The following ATAD3B variants were observed in gnomAD, a reference collection of about 807,000 sequenced individuals.
ATAD3B encodes ATPase family AAA domain-containing protein 3B.
ATAD3B carries 59 observed loss-of-function variants against 70.2 expected under a neutral mutation model. The ratio of observed to expected loss-of-function variants is 0.84; its 90% CI spans 0.68 to 1.04. ATAD3B has a LOEUF of 1.04. Among genes scored for constraint, ATAD3B ranks in the 50% least tolerant of loss-of-function variants. The pLI is 0.00. For missense variants in ATAD3B, 961 were observed against 913.4 expected (o/e 1.05, Z -0.67); for synonymous variants, 423 against 388.6 (o/e 1.09, Z -1.04).
chr1:1,478,420 C>CG (rs1639712455), intron 2 of ATAD3B: 2 of 1,509,964 alleles, frequency 1.3e-6, no homozygotes, highest in South Asian at 2.6e-5. Context: ...CCTCCCTCCC[C>CG]GGGGGCCTTC....
At chr1:1,503,542 C>T in the ATAD3B span, 111 of 1,581,516 alleles carry the variant, frequency 7.0e-5, no homozygotes, top group Non-Finnish European at 8.8e-5. Flanking sequence ...CAGCGGCATC[C>T]GTGTATCCTA....
At chr1:1,485,226 G>A (rs1257351545) in intron 8 of ATAD3B, 55 bp downstream of exon 8, 2 of 1,595,068 alleles carry the variant, frequency 1.3e-6, no homozygotes, top group Admixed American at 3.4e-5. Context: ...AGTCCCTTCT[G>A]CCCCACGAGC....
downstream of ATAD3B, among the ~76,000 whole-genome samples, chr1:1,500,680 G>T (rs187799077): frequency 6.6e-6 from 1 of 151,448 alleles, no homozygotes; most frequent in African/African-American, 2.4e-5. Flanking sequence ...CAGGCAGGGC[G>T]CAGTGGCTCA....
chr1:1,492,214 C>T (rs541985866), intron 15 of ATAD3B, among the ~76,000 whole-genome samples: 34 of 151,768 alleles, frequency 2.2e-4, no homozygotes, highest in African/African-American at 1.2e-4. Flanking sequence ...GGAACAAGCC[C>T]GGTGGCTCAC....
At chr1:1,486,335 T>G (rs1285937785) in intron 10 of ATAD3B, 100 bp downstream of exon 10, 7 of 1,600,914 alleles carry the variant, frequency 4.4e-6, no homozygotes, top group Non-Finnish European at 6.0e-6. Context: ...GGACCCCCCT[T>G]AGGCCTTTGC....
downstream of ATAD3B, among the ~76,000 whole-genome samples, chr1:1,501,834 G>A (rs1020211602): frequency 1.8e-4 from 27 of 152,088 alleles, no homozygotes; most frequent in African/African-American, 6.3e-4. Context: ...GTTGTCAGTG[G>A]CCTCCATGCC....
rs558212147 is a variant in ATAD3B, at chr1:1,477,410, T to C, written c.282+60T>C. 1,790 of 1,607,878 alleles carry C rather than the reference T, an allele frequency of 1.1e-3. 29 individuals are homozygous for C. Among genetic ancestry groups the C allele is most frequent in the Non-Finnish European group, 1.2e-3 (1,419 of 1,177,328 alleles). On this transcript the variant is annotated intron_variant, in intron 2 of 15. Coordinates refer to ENST00000673477, the MANE Select transcript of ATAD3B (RefSeq NM_031921.6). ...CGCACATGGGGTTCAGGCGTGGAGA[T>C]TGGTGGGGCTGCTACTGGTGGGTAG...
chr1:1,487,912 A>C lies in ATAD3B; in HGVS notation c.1264A>C (p.Thr422Pro). 6.2e-7 allele frequency: 1 copy of C among 1,613,104 alleles called. No homozygotes were observed. The highest frequency in any genetic ancestry group is 1.3e-5 in the African/African-American group (1 of 75,030). The stretch of plus-strand genomic sequence containing the variant: ...AGACGCCTTCCTTCGGAAGCGAGCC[A>C]CTGTGAGTGTCACTAAGCCTCTGTC... ...EADAFLRKRA[T>P]EEISKDLRAT... Residue 422 changes from threonine (T) to proline (P), a missense_variant and splice_region_variant, in exon 12 of 16, where the codon ACT becomes CCT. Around this residue, in one of 4 missense-constraint regions of ATAD3B, gnomAD observed 417 missense variants for 335.0 expected, o/e 1.24. Transcript: ENST00000673477.
intron 15 of ATAD3B, among the ~76,000 whole-genome samples, chr1:1,492,008 A>G (rs1451417982): frequency 6.6e-6 from 1 of 151,934 alleles, no homozygotes; most frequent in African/African-American, 2.4e-5. Context: ...AAGCAAGGTG[A>G]GACCCCATCT....
chr1:1,487,943 A>G lies in ATAD3B; in HGVS notation c.1266+29A>G, dbSNP rs755422930. ...AGTGTCACTAAGCCTCTGTCTGGCC[A>G]CAGGAGGGTGGTCGGGTGGGCGCGG... is the stretch of plus-strand genomic sequence containing the variant. On this transcript the variant is annotated intron_variant, in intron 12 of 15. Coordinates refer to ENST00000673477, the MANE Select transcript of ATAD3B (RefSeq NM_031921.6). 105 of 1,612,222 alleles carry G rather than the reference A, an allele frequency of 6.5e-5. 1 individual carries two copies. Among genetic ancestry groups the G allele is most frequent in the Middle Eastern group, 1.6e-4 (1 of 6,082 alleles).
chr1:1,507,136 G>C, the ATAD3B span, among the ~76,000 whole-genome samples: 1 of 152,194 alleles, frequency 6.6e-6, no homozygotes, highest in Non-Finnish European at 1.5e-5. Context: ...TCTGAGAACA[G>C]GTGATTTTAC....
intron 15 of ATAD3B, among the ~76,000 whole-genome samples, chr1:1,493,155 T>C (rs1363900439): frequency 6.6e-6 from 1 of 151,924 alleles, no homozygotes; most frequent in African/African-American, 2.4e-5. Context: ...ACGGTGGCTC[T>C]TACATGTAGC....
At position 1,482,383 on chromosome 1, in the gene ATAD3B, T is replaced by C. The variant is rs1389037331; in HGVS notation, c.680+80T>C. Reference sequence around the variant, plus strand: ...CGCTGGTCCCAGGGCGCTCTCCAGCTCTTCCAGGCCTGGCCGCCATAGGCT... The same window carrying C: ...CGCTGGTCCCAGGGCGCTCTCCAGCCCTTCCAGGCCTGGCCGCCATAGGCT... On this transcript the variant is annotated intron_variant, in intron 6 of 15. Coordinates refer to ENST00000673477, the MANE Select transcript of ATAD3B (RefSeq NM_031921.6). 4 of 1,578,810 alleles carry C rather than the reference T, an allele frequency of 2.5e-6. No homozygotes were observed. The South Asian group carries it at 4.6e-5, about 18-fold the overall frequency.
At chr1:1,485,655 C>A in intron 8 of ATAD3B, 127 bp from the exon 9 acceptor site, 1 of 1,455,542 alleles carries the variant, frequency 6.9e-7, no homozygotes, top group Admixed American at 2.0e-5. Context: ...GTTCCAGCTC[C>A]GGGCCGGTCC....
intron 9 of ATAD3B, 126 bp downstream of exon 9, chr1:1,485,964 G>T: frequency 6.3e-7 from 1 of 1,593,116 alleles, no homozygotes. Flanking sequence ...GCAACTGCTT[G>T]GACTGTGCCG....
At chr1:1,476,803 C>G (rs2100527309) in intron 1 of ATAD3B, among the ~76,000 whole-genome samples, 1 of 151,838 alleles carries the variant, frequency 6.6e-6, no homozygotes, top group Non-Finnish European at 1.5e-5. Flanking sequence ...CCACCACGCC[C>G]TGCTAGAATA....
rs1405008177 is a variant in ATAD3B at position 1,490,313 on chromosome 1, G to A, written c.1394G>A (p.Ser465Asn). The change falls in exon 14 of 16, where the codon AGC (serine) becomes AAC (asparagine). Residue 465 changes from serine (S) to asparagine (N), a missense_variant. Coordinates refer to ENST00000673477, the MANE Select transcript of ATAD3B (RefSeq NM_031921.6). ...GAGCAGTTCGACTGTGCCATCAACA[G>A]CCGCATTGACGTGATGGTCCACTTC... ...LPEQFDCAIN[S>N]RIDVMVHFDL... 3.1e-6 allele frequency: 5 copies of A among 1,613,254 alleles called. No homozygotes were observed. Among genetic ancestry groups the A allele is most frequent in the Admixed American group, 3.3e-5 (2 of 60,002 alleles).
At chr1:1,498,140 T>C (rs796443734), downstream of ATAD3B, among the ~76,000 whole-genome samples, 9 of 148,318 alleles carry the variant, frequency 6.1e-5, no homozygotes, top group African/African-American at 2.2e-4. Flanking sequence ...CCCATCTCTA[T>C]TAAAAATACG....
At chr1:1,505,579 C>T in the ATAD3B span, among the ~76,000 whole-genome samples, 194 of 152,236 alleles carry the variant, frequency 1.3e-3, 5 homozygotes, top group East Asian at 0.032. Flanking sequence ...CTGACGCTAC[C>T]GCTAGACCAC....
Sources: allele counts gnomAD v4.1 joint callset (sites outside exome capture counted in the v4.1 genomes callset), GRCh38; gene constraint gnomAD v4.1.1; regional missense constraint gnomAD v4.1.1; transcripts MANE v1.5; gene names NCBI Gene and HGNC (gene_info 2026-07-23, HGNC 2026-07-21).